Variants in ANKRD45 observed in about 807,000 individuals in gnomAD.
ANKRD45 encodes the protein ankyrin repeat domain-containing protein 45.
In ANKRD45, 21 loss-of-function variants were observed where a neutral mutation model predicts 28.1. The observed-to-expected ratio is 0.75, with a 90% CI of 0.53 to 1.08. The LOEUF (loss-of-function observed/expected upper bound fraction) is 1.08, where lower values mean the gene tolerates loss of function less well. Among genes scored for constraint, ANKRD45 ranks in the 50% least tolerant of loss-of-function variants. The probability of loss-of-function intolerance (pLI) is 0.00; values close to 1 mark genes in which losing one functional copy is unlikely to be tolerated. For synonymous variants in ANKRD45, 86 were observed against 103.9 expected, an observed-to-expected ratio of 0.83 and a Z score of 1.05; for missense variants, 261 against 308.7, an observed-to-expected ratio of 0.85 and a Z score of 1.16.
intron 5 of ANKRD45, among the ~76,000 whole-genome samples, chr1:173,622,059 T>C (rs1667731398): frequency 6.6e-6 from 1 of 152,008 alleles, no homozygotes; most frequent in Non-Finnish European, 1.5e-5. Flanking sequence ...ACTTCACAAT[T>C]GCTACAAAAA....
Position 173,646,848 on chromosome 1 carries a change from G to C in ANKRD45, c.494C>G (p.Ala165Gly), listed in dbSNP as rs1183745142. 6.2e-7 allele frequency: 1 copy of C among 1,613,618 alleles called. No homozygotes were observed. The highest frequency in any genetic ancestry group is 8.5e-7 in the Non-Finnish European group (1 of 1,179,670). Residue 165 changes from alanine (A) to glycine (G), a missense_variant and splice_region_variant, in exon 3 of 6, where the codon GCA becomes GGA. Ala to Gly is a moderately conservative substitution (Grantham distance 60). Transcript: ENST00000333279. Reference sequence around the variant, plus strand: ...TAACCCCTTGTGAGCTTCCTTACCTGCCCAGTCCAGGAATTCAACACACTC... The same window carrying C: ...TAACCCCTTGTGAGCTTCCTTACCTCCCCAGTCCAGGAATTCAACACACTC... ...QTECVEFLDW[A>G]DARLTLKKYI...
At chr1:173,610,643 G>A (rs962321284) in intron 5 of ANKRD45, among the ~76,000 whole-genome samples, 1 of 151,892 alleles carries the variant, frequency 6.6e-6, no homozygotes. Context: ...AAGGAGGGGG[G>A]ATTGTTGGGC....
At chr1:173,703,295 C>G in the ANKRD45 span, among the ~76,000 whole-genome samples, 2 of 151,960 alleles carry the variant, frequency 1.3e-5, no homozygotes, top group African/African-American at 4.8e-5. Flanking sequence ...GCTCCACCTC[C>G]CGGGTTCACA....
chr1:173,668,935 T>C (rs1670134565), intron 1 of ANKRD45, among the ~76,000 whole-genome samples: 1 of 152,194 alleles, frequency 6.6e-6, no homozygotes, highest in Non-Finnish European at 1.5e-5. Context: ...TATGTGACTT[T>C]TCTGAAATGA....
At chr1:173,683,318 T>A in the ANKRD45 span, among the ~76,000 whole-genome samples, 4 of 151,918 alleles carry the variant, frequency 2.6e-5, no homozygotes, top group Non-Finnish European at 2.9e-5. Context: ...GAAAAAAAAA[T>A]TCATCTTCCC....
the ANKRD45 span, among the ~76,000 whole-genome samples, chr1:173,703,252 G>A: frequency 0.061 from 9,124 of 149,632 alleles, 983 homozygotes; most frequent in African/African-American, 0.21. Flanking sequence ...CGCCCAGGCT[G>A]GAGTGCAGTG....
the ANKRD45 span, among the ~76,000 whole-genome samples, chr1:173,691,706 G>C: frequency 6.6e-6 from 1 of 152,172 alleles, no homozygotes; most frequent in Non-Finnish European, 1.5e-5. Context: ...AGAATGGCAA[G>C]AACCCGGAAG....
rs1187138941 is a variant in ANKRD45, at chr1:173,608,580, A to G, written c.*1565T>C. Among the ~76,000 whole-genome samples the G allele has an allele frequency of 4.6e-5, 7 of 151,540 alleles. No individual in the cohort carries two copies. Among genetic ancestry groups the G allele is most frequent in the Admixed American group, 3.9e-4 (6 of 15,216 alleles). ...GTGATCCGCCTGCCTTGGCCTCCCA[A>G]AGTTCTTGGATTACAGGTGTGAGCC... On this transcript the variant is annotated 3_prime_UTR_variant, in exon 6 of 6. Transcript: ENST00000333279.
chr1:173,667,689 A>G (rs1224537203), intron 1 of ANKRD45: 1 of 430,708 alleles, frequency 2.3e-6, no homozygotes, highest in Middle Eastern at 3.4e-4. Flanking sequence ...CTGGCACAAC[A>G]GAATGAGACC....
At chr1:173,641,630 G>A (rs969867438) in intron 3 of ANKRD45, among the ~76,000 whole-genome samples, 2 of 152,158 alleles carry the variant, frequency 1.3e-5, no homozygotes, top group Non-Finnish European at 1.5e-5. Flanking sequence ...AATTGGAGTG[G>A]TACTTGTGCT....
chr1:173,697,758 T>C, the ANKRD45 span, among the ~76,000 whole-genome samples: 1 of 152,184 alleles, frequency 6.6e-6, no homozygotes, highest in African/African-American at 2.4e-5. Flanking sequence ...CTGCATCAAC[T>C]AACGGGCAAA....
intron 3 of ANKRD45, among the ~76,000 whole-genome samples, chr1:173,638,095 A>AGTGTGTGTGTGT (rs57442264): frequency 6.7e-6 from 1 of 149,316 alleles, no homozygotes. Flanking sequence ...TTGGAGGCTG[A>AGTGTGTGTGTGT]GTGTGTGTGT....
chr1:173,627,050 A>T lies in ANKRD45; in HGVS notation c.591+15T>A. Reference sequence around the variant, plus strand: ...TCAAAACACTACAGAACAAGCAATAATCACAATACAGTACCTTGTCTTCCT... The same window carrying T: ...TCAAAACACTACAGAACAAGCAATATTCACAATACAGTACCTTGTCTTCCT... On this transcript the variant is annotated intron_variant, in intron 4 of 5. Coordinates refer to ENST00000333279, the MANE Select transcript of ANKRD45 (RefSeq NM_198493.3). 6.4e-7 allele frequency: 1 copy of T among 1,558,072 alleles called. No individual in the cohort carries two copies. The highest frequency in any genetic ancestry group is 8.8e-7 in the Non-Finnish European group (1 of 1,137,486).
chr1:173,712,413 G>T, the ANKRD45 span, among the ~76,000 whole-genome samples: 1 of 152,148 alleles, frequency 6.6e-6, no homozygotes, highest in South Asian at 2.1e-4. Flanking sequence ...ATAACATCTT[G>T]GTGCCATCTG....
chr1:173,697,042 C>T, the ANKRD45 span, among the ~76,000 whole-genome samples: 7 of 151,998 alleles, frequency 4.6e-5, no homozygotes, highest in East Asian at 7.8e-4. Flanking sequence ...GTAGCCAATT[C>T]GATCAAGTGG....
intron 5 of ANKRD45, among the ~76,000 whole-genome samples, chr1:173,618,506 C>G (rs1667561543): frequency 6.6e-6 from 1 of 151,960 alleles, no homozygotes; most frequent in South Asian, 2.1e-4. Context: ...ACACAAGTAT[C>G]AATAGAAGAA....
At chr1:173,610,764 C>G (rs777719242) in intron 5 of ANKRD45, among the ~76,000 whole-genome samples, 1 of 151,630 alleles carries the variant, frequency 6.6e-6, no homozygotes, top group Non-Finnish European at 1.5e-5. Context: ...CAAGTTCAGC[C>G]TGGGTAACAT....
chr1:173,643,771 C>T (rs1668805133), intron 3 of ANKRD45, among the ~76,000 whole-genome samples: 1 of 151,974 alleles, frequency 6.6e-6, no homozygotes, highest in Admixed American at 6.6e-5. Flanking sequence ...ATATCTATAA[C>T]ATATCTGCCA....
At chr1:173,623,664 G>A (rs1667798319) in intron 5 of ANKRD45, among the ~76,000 whole-genome samples, 1 of 152,078 alleles carries the variant, frequency 6.6e-6, no homozygotes, top group Admixed American at 6.6e-5. Flanking sequence ...GCATGTGTAT[G>A]TTCATTGCAG....
Sources: gnomAD v4.1 joint callset for allele counts (sites outside exome capture counted in the v4.1 genomes callset) on GRCh38, gnomAD v4.1.1 for gene constraint, MANE v1.5 for transcripts, NCBI Gene and HGNC (gene_info 2026-07-23, HGNC 2026-07-21) for gene names.